The following RALY variants were observed in gnomAD, a reference collection of about 807,000 sequenced individuals.
The protein encoded by RALY is RALY heterogeneous nuclear ribonucleoprotein.
In RALY, 15 loss-of-function variants were observed where a neutral mutation model predicts 30.7. That is an observed-to-expected ratio of 0.49 (90% CI 0.33 to 0.75). The LOEUF (loss-of-function observed/expected upper bound fraction) is 0.75, where lower values mean the gene tolerates loss of function less well. Among genes scored for constraint, RALY ranks in the 30% least tolerant of loss-of-function variants. RALY has a pLI of 0.02. For missense variants in RALY, 339 were observed against 414.3 expected, an observed-to-expected ratio of 0.82 and a Z score of 1.58; for synonymous variants, 177 against 170.8, an observed-to-expected ratio of 1.04 and a Z score of -0.28.
intron 1 of RALY, among the ~76,000 whole-genome samples, chr20:34,015,872 G>A (rs1025944270): frequency 2.0e-5 from 3 of 151,976 alleles, no homozygotes; most frequent in African/African-American, 7.3e-5. Context: ...CACAATTGAT[G>A]TGCATGTATG....
chr20:34,072,324 A>T lies in RALY; in HGVS notation c.250A>T (p.Thr84Ser). ...GAATGGGCGGGTGCTGGCCGGGCAG[A>T]CCCTGGGTAAGCCTCTCTTCACTAT... is the stretch of plus-strand genomic sequence containing the variant. ...GENGRVLAGQ[T>S]LDINMAGEPK... The change falls in exon 3 of 10, where the codon ACC becomes TCC. Residue 84 changes from threonine (T) to serine (S), a missense_variant. Physicochemically the swap from Thr to Ser is moderately conservative, Grantham distance 58 (BLOSUM62 1). Around this residue, in one of 2 missense-constraint regions of RALY, gnomAD observed 71 missense variants for 133.7 expected, o/e 0.53. Coordinates refer to ENST00000246194, the MANE Select transcript of RALY (RefSeq NM_016732.3). The T allele has an allele frequency of 1.2e-6, 2 of 1,611,682 alleles. No homozygotes were observed. Among genetic ancestry groups the T allele is most frequent in the Non-Finnish European group, 1.7e-6 (2 of 1,179,824 alleles).
At chr20:34,035,769 G>A (rs770238838) in intron 2 of RALY, among the ~76,000 whole-genome samples, 9 of 152,258 alleles carry the variant, frequency 5.9e-5, no homozygotes, top group South Asian at 2.1e-4. Context: ...TGTAGTTTAC[G>A]TTCTAGTAGA....
intron 1 of RALY, among the ~76,000 whole-genome samples, chr20:33,999,162 T>C (rs1025525577): frequency 3.3e-5 from 5 of 150,482 alleles, no homozygotes; most frequent in Non-Finnish European, 5.9e-5. Context: ...AAGGTGGAAT[T>C]GAGTGATGAG....
intron 2 of RALY, among the ~76,000 whole-genome samples, chr20:34,054,811 G>A (rs1237325125): frequency 2.1e-5 from 3 of 142,766 alleles, no homozygotes; most frequent in Non-Finnish European, 4.5e-5. Context: ...GAATGAGACT[G>A]TCTCAAAAAA....
At chr20:34,076,932 C>T (rs1183484410) in intron 7 of RALY, 96 bp from the exon 8 acceptor site, 3 of 1,600,006 alleles carry the variant, frequency 1.9e-6, no homozygotes, top group East Asian at 4.5e-5. Context: ...ACCACCTGCA[C>T]TCACCATGCT....
chr20:33,999,806 G>A (rs909768524), intron 1 of RALY, among the ~76,000 whole-genome samples: 1 of 152,028 alleles, frequency 6.6e-6, no homozygotes, highest in African/African-American at 2.4e-5. Context: ...GTTTCTATTA[G>A]GGATAGGAGT....
intron 1 of RALY, among the ~76,000 whole-genome samples, chr20:34,025,574 G>T (rs1206563698): frequency 6.6e-6 from 1 of 152,004 alleles, no homozygotes; most frequent in Non-Finnish European, 1.5e-5. Context: ...AAAGTGCTGG[G>T]ATAACAGGCG....
intron 1 of RALY, among the ~76,000 whole-genome samples, chr20:34,005,946 C>A (rs2031137639): frequency 6.6e-6 from 1 of 152,200 alleles, no homozygotes; most frequent in East Asian, 1.9e-4. Flanking sequence ...CTGTTTAATG[C>A]TGAATAATAT....
chr20:34,031,391 T>G (rs1233671127), intron 1 of RALY, 131 bp from the exon 2 acceptor site: 11 of 152,058 alleles, frequency 7.2e-5, no homozygotes, highest in African/African-American at 2.7e-4. Context: ...CACTTAGCAC[T>G]ACTTGAAATT....
intron 2 of RALY, among the ~76,000 whole-genome samples, chr20:34,052,098 G>A (rs2033097509): frequency 6.6e-6 from 1 of 152,164 alleles, no homozygotes; most frequent in African/African-American, 2.4e-5. Context: ...GTCCCAGTGT[G>A]TCTTCCTCAA....
In RALY at chr20:34,053,383, ATTTTTTTTTTTTTTTTT is replaced by A. The variant is rs60912814; in HGVS notation, c.-9-18667_-9-18651del. On this transcript the variant is annotated intron_variant, in intron 2 of 9. Transcript: ENST00000246194. ...GCCAACATTTAGTAGATGTTCAATA[ATTTTTTTTTTTTTTTTT>A]TTTTTTTTTTTTTTTGAGACAAGGC... Among the ~76,000 whole-genome samples, 20 of 54,146 alleles carry A rather than the reference ATTTTTTTTTTTTTTTTT, an allele frequency of 3.7e-4. No homozygotes were observed. In the Middle Eastern group the frequency reaches 0.083, roughly 226 times the overall value. The allele number at this position is 54,146 out of a possible 152,430, so 35.5% of individuals were successfully genotyped here. A position where few individuals can be genotyped will look rare whatever the true frequency, so the allele number is the denominator to read the frequency against.
intron 2 of RALY, among the ~76,000 whole-genome samples, chr20:34,050,013 G>A (rs2033022737): frequency 6.6e-6 from 1 of 152,166 alleles, no homozygotes; most frequent in African/African-American, 2.4e-5. Flanking sequence ...CTTCAGGCTG[G>A]ACTCTAAACT....
intron 2 of RALY, among the ~76,000 whole-genome samples, chr20:34,050,161 A>C (rs1568680805): frequency 6.6e-6 from 1 of 152,174 alleles, no homozygotes; most frequent in Non-Finnish European, 1.5e-5. Flanking sequence ...CACTTTACAG[A>C]TGGGCAAACT....
chr20:34,016,561 G>A (rs2031615299), intron 1 of RALY: 1 of 152,230 alleles, frequency 6.6e-6, no homozygotes, highest in South Asian at 2.1e-4. Flanking sequence ...TCCTTCTGTT[G>A]TGTAGCCAGG....
intron 2 of RALY, among the ~76,000 whole-genome samples, chr20:34,069,036 C>T (rs2033654929): frequency 6.6e-6 from 1 of 152,156 alleles, no homozygotes; most frequent in Non-Finnish European, 1.5e-5. Context: ...GATTTCTCAC[C>T]CAGAGCAGCA....
chr20:34,075,838 G>A, intron 5 of RALY, 36 bp from the exon 6 acceptor site: 4 of 1,594,540 alleles, frequency 2.5e-6, no homozygotes, highest in Non-Finnish European at 3.4e-6. Context: ...GTGGCCACAA[G>A]CCATGCTGCA....
In RALY at chr20:34,028,565, G is replaced by A. The variant is rs369472749; in HGVS notation, c.-92-2957G>A. Among the ~76,000 whole-genome samples the A allele has an allele frequency of 3.3e-4, 50 of 151,832 alleles. No homozygotes were observed. In the South Asian group the frequency reaches 9.8e-3, roughly 30 times the overall value. ...TAAAAATACAAAAAATTAGCCAGGC[G>A]TGGTGGCAGGCACCTGTAGTCCCAG... is the stretch of plus-strand genomic sequence containing the variant. On this transcript the variant is annotated intron_variant, in intron 1 of 9. Transcript: ENST00000246194.
chr20:34,049,927 G>A (rs1485079835), intron 2 of RALY, among the ~76,000 whole-genome samples: 1 of 152,176 alleles, frequency 6.6e-6, no homozygotes, highest in Non-Finnish European at 1.5e-5. Flanking sequence ...CACCAGAAAT[G>A]CAGAGAATGT....
intron 1 of RALY, among the ~76,000 whole-genome samples, chr20:34,013,637 G>A (rs902181066): frequency 6.6e-6 from 1 of 152,054 alleles, no homozygotes; most frequent in Non-Finnish European, 1.5e-5. Flanking sequence ...CACTACAGAA[G>A]CAGAATTAAT....
Sources: gnomAD v4.1 joint callset for allele counts (sites outside exome capture counted in the v4.1 genomes callset) on GRCh38, gnomAD v4.1.1 for gene constraint, gnomAD v4.1.1 regional missense constraint, MANE v1.5 for transcripts, NCBI Gene and HGNC (gene_info 2026-07-23, HGNC 2026-07-21) for gene names.